Variants in MGAM observed in about 807,000 individuals in gnomAD.
MGAM encodes the protein maltase-glucoamylase.
MGAM carries 253 observed loss-of-function variants against 358.8 expected under a neutral mutation model. The observed-to-expected ratio is 0.71, with a 90% CI of 0.64 to 0.78. The LOEUF (loss-of-function observed/expected upper bound fraction) is 0.78, where lower values mean the gene tolerates loss of function less well. Ranked by LOEUF, MGAM falls within the 30% of genes least tolerant of loss-of-function variation. The pLI is 0.00. For synonymous variants in MGAM, 1,105 were observed against 1,227.1 expected, an observed-to-expected ratio of 0.90 and a Z score of 2.08; for missense variants, 3,080 against 3,432.6, an observed-to-expected ratio of 0.90 and a Z score of 2.57.
chr7:142,056,226 CT>C, intron 29 of MGAM, 130 bp downstream of exon 29: 1 of 818,406 alleles, frequency 1.2e-6, no homozygotes, highest in South Asian at 1.7e-5. Flanking sequence ...TTTATTTTTT[CT>C]TTGTGTTTAG....
rs202196208 is a variant in MGAM at position 142,036,893 on chromosome 7, G to A, written c.2147G>A (p.Arg716His). ...TCCTCCAGGCACTACCTTAACATCCGCTATACTCTATTGCCCTACCTATAC... is the reference window on the plus strand; with the variant it reads ...TCCTCCAGGCACTACCTTAACATCCACTATACTCTATTGCCCTACCTATAC... The part of the protein sequence containing the change: ...LNSSRHYLNI[R>H]YTLLPYLYTL... Residue 716 changes from arginine (R) to histidine (H), a missense_variant, in exon 18 of 71, where the codon CGC becomes CAC. Physicochemically the swap from Arg to His is conservative, Grantham distance 29 (BLOSUM62 0). Coordinates refer to ENST00000475668, the MANE Select transcript of MGAM (RefSeq NM_001365693.1). 99 of 1,613,556 alleles carry A rather than the reference G, an allele frequency of 6.1e-5. No homozygotes were observed. Among genetic ancestry groups the A allele is most frequent in the Middle Eastern group, 1.7e-4 (1 of 6,060 alleles).
rs202109505 is a variant in MGAM, at chr7:142,086,284, G to A, written c.6703G>A (p.Val2235Ile). 301 of 1,542,920 alleles carry A rather than the reference G, an allele frequency of 2.0e-4. 19 individuals are homozygous for A. The African/African-American group carries it at 2.7e-3, about 14-fold the overall frequency. The change falls in exon 56 of 71, where the codon GTC becomes ATC. Residue 2235 changes from valine (V) to isoleucine (I), a missense_variant. Val to Ile is a conservative substitution (Grantham distance 29). Around this residue, in one of 5 missense-constraint regions of MGAM, gnomAD observed 932 missense variants for 1,198.2 expected, o/e 0.78. Coordinates refer to ENST00000475668, the MANE Select transcript of MGAM (RefSeq NM_001365693.1). ...CTTCACTCGGGGCGTGGAGGATGAC[G>A]TCTTCATCAAGTACCCAAATGATGG... is the stretch of plus-strand genomic sequence containing the variant. ...PAFTRGVEDDVFIKYPNDGDI... is the reference protein window; with the variant it reads ...PAFTRGVEDDIFIKYPNDGDI...
intron 46 of MGAM, 103 bp downstream of exon 46, chr7:142,076,355 A>G: frequency 7.9e-6 from 9 of 1,143,580 alleles, no homozygotes; most frequent in Non-Finnish European, 1.0e-5. Flanking sequence ...CTTTATATGC[A>G]TTATTGGCTA....
chr7:142,004,900 C>A (rs1428709294), intron 1 of MGAM, among the ~76,000 whole-genome samples: 1 of 151,960 alleles, frequency 6.6e-6, no homozygotes, highest in African/African-American at 2.4e-5. Context: ...GATGCTATAT[C>A]ATCTATGTAC....
At position 142,088,996 on chromosome 7, in the gene MGAM, G is replaced by GTATGTATATATCTATCTATC. The variant is rs771119657; in HGVS notation, c.6810+2282_6810+2283insGTATATATCTATCTATCTAT. 2.0e-3 allele frequency among the ~76,000 whole-genome samples: 238 copies of GTATGTATATATCTATCTATC among 118,046 alleles called. 10 individuals carry two copies. The highest frequency in any genetic ancestry group is 6.5e-3 in the African/African-American group (225 of 34,592). The allele number at this position is 118,046 out of a possible 152,430, so 77.4% of individuals were successfully genotyped here. On this transcript the variant is annotated intron_variant, in intron 57 of 70. Transcript: ENST00000475668. The stretch of plus-strand genomic sequence containing the variant: ...TGTATGTATGTATGTATGTATGTAT[G>GTATGTATATATCTATCTATC]TATCTATCTATCTATCTATCTATCT...
intron 40 of MGAM, among the ~76,000 whole-genome samples, chr7:142,066,177 G>C (rs1276205034): frequency 6.9e-6 from 1 of 145,074 alleles, no homozygotes. Flanking sequence ...TCACAGGATG[G>C]TCTCGAACTC....
At chr7:142,027,848 A>C in intron 10 of MGAM, 113 bp downstream of exon 10, 1 of 1,241,280 alleles carries the variant, frequency 8.1e-7, no homozygotes, top group East Asian at 2.7e-5. Context: ...TTTGGTAATG[A>C]AAGGAGTTTT....
chr7:142,016,108 A>G (rs1805942024), intron 3 of MGAM, among the ~76,000 whole-genome samples: 1 of 151,904 alleles, frequency 6.6e-6, no homozygotes, highest in Non-Finnish European at 1.5e-5. Flanking sequence ...TTTATGTTTC[A>G]TGTTTGCTTT....
chr7:141,990,203 A>C (rs1803883175), intron 2 of MGAM, among the ~76,000 whole-genome samples: 1 of 152,224 alleles, frequency 6.6e-6, no homozygotes, highest in Non-Finnish European at 1.5e-5. Context: ...GAAAGGGGAA[A>C]TGTCAGAACG....
Position 142,067,600 on chromosome 7 carries a change from C to G in MGAM, c.5004+175C>G, listed in dbSNP as rs1463455715. 4.2e-5 allele frequency among the ~76,000 whole-genome samples: 6 copies of G among 141,232 alleles called. 1 individual carries two copies. The highest frequency in any genetic ancestry group is 8.0e-5 in the Non-Finnish European group (5 of 62,160). 92.7% of individuals were successfully genotyped at this position (141,232 alleles called of 152,430 possible). A position where few individuals can be genotyped will look rare whatever the true frequency, so the allele number is the denominator to read the frequency against. ...TCACTTAGGTGTTCTTGGCACTCAG[C>G]TCCTTCATCTTTAAAATGAGCCTAA... is the stretch of plus-strand genomic sequence containing the variant. On this transcript the variant is annotated intron_variant, in intron 42 of 70. Coordinates refer to ENST00000475668, the MANE Select transcript of MGAM (RefSeq NM_001365693.1).
Position 142,027,824 on chromosome 7 carries a change from AATTG to A in MGAM, c.1221+93_1221+96del, listed in dbSNP as rs1807114387. Reference sequence around the variant, plus strand: ...GTTTATATTTTCTCTCCCTGAGTTTAATTGATTTATTTATTTGGTAATGAAAGGA... The same window carrying A: ...GTTTATATTTTCTCTCCCTGAGTTTAATTTATTTATTTGGTAATGAAAGGA... On this transcript the variant is annotated intron_variant, in intron 10 of 70. Transcript: ENST00000475668. 2.2e-6 allele frequency: 3 copies of A among 1,337,684 alleles called. No individual in the cohort carries two copies. The African/African-American group carries it at 4.4e-5, about 20-fold the overall frequency. 82.9% of individuals were successfully genotyped at this position (1,337,684 alleles called of 1,614,324 possible).
Position 142,085,968 on chromosome 7 carries a change from C to T in MGAM, c.6636+7C>T. 6.4e-7 allele frequency: 1 copy of T among 1,562,782 alleles called. No individual in the cohort carries two copies. ...GCGGGTCATCCTCATTCTGGTTAGT[C>T]CTGATGTGAATGTGTGCGGTCTGTT... On this transcript the variant is annotated splice_region_variant and intron_variant, in intron 55 of 70. Transcript: ENST00000475668.
In MGAM at chr7:142,040,772, A is replaced by T. The variant is rs1052941913; in HGVS notation, c.2424A>T (p.Gly808=). Residue 808 remains glycine, a synonymous_variant, in exon 21 of 71, where the codon GGA becomes GGT. Coordinates refer to ENST00000475668, the MANE Select transcript of MGAM (RefSeq NM_001365693.1). ...RKQKVEMELP[G]DKIGLHLRGG... ...AAAAAGTCGAGATGGAACTTCCTGGAGACAAAATTGGACTTCACCTTCGAG... is the reference window on the plus strand; with the variant it reads ...AAAAAGTCGAGATGGAACTTCCTGGTGACAAAATTGGACTTCACCTTCGAG... 1 of 1,613,378 alleles carries T rather than the reference A, an allele frequency of 6.2e-7. No homozygotes were observed. Among genetic ancestry groups the T allele is most frequent in the Non-Finnish European group, 8.5e-7 (1 of 1,179,550 alleles).
Position 142,031,230 on chromosome 7 carries a change from C to T in MGAM, c.1471-450C>T, listed in dbSNP as rs577993381. On this transcript the variant is annotated intron_variant, in intron 12 of 70. Coordinates refer to ENST00000475668, the MANE Select transcript of MGAM (RefSeq NM_001365693.1). ...TGTTTTTTCAGGAAGGTGTTATCTG[C>T]TTGTTCACTTCTAAGGCCTCTGATG... Among the ~76,000 whole-genome samples, 4 of 152,274 alleles carry T rather than the reference C, an allele frequency of 2.6e-5. No individual in the cohort carries two copies. In the South Asian group the frequency reaches 8.3e-4, roughly 32 times the overall value.
chr7:142,088,919 C>T (rs12535134), intron 57 of MGAM, among the ~76,000 whole-genome samples: 69,782 of 141,254 alleles, frequency 0.49, 21,776 homozygotes, highest in Middle Eastern at 0.66. Context: ...ATCCAAATCC[C>T]TCTTCTGTCT....
intron 60 of MGAM, 60 bp downstream of exon 60, chr7:142,093,610 A>G: frequency 7.0e-7 from 1 of 1,429,384 alleles, no homozygotes; most frequent in Non-Finnish European, 9.5e-7. Flanking sequence ...AGTGACTGAC[A>G]TAGCTACCCT....
chr7:142,054,627 C>A, intron 26 of MGAM, 127 bp from the exon 27 acceptor site: 1 of 1,065,598 alleles, frequency 9.4e-7, no homozygotes, highest in Non-Finnish European at 1.3e-6. Flanking sequence ...TTAATTAAAT[C>A]TCAGATATCA....
At chr7:142,044,993 C>T (rs535991673) in intron 21 of MGAM, among the ~76,000 whole-genome samples, 1 of 89,934 alleles carries the variant, frequency 1.1e-5, no homozygotes. Flanking sequence ...ATATTATATA[C>T]ACGTGTAATA....
At chr7:141,995,074 T>C (rs1804129922), upstream of MGAM, among the ~76,000 whole-genome samples, 1 of 152,212 alleles carries the variant, frequency 6.6e-6, no homozygotes, top group Non-Finnish European at 1.5e-5. Flanking sequence ...TTTATGCCTA[T>C]TCTTTAGCAA....
Sources: gnomAD v4.1 joint callset for allele counts (sites outside exome capture counted in the v4.1 genomes callset) on GRCh38, gnomAD v4.1.1 for gene constraint, gnomAD v4.1.1 regional missense constraint, MANE v1.5 for transcripts, NCBI Gene and HGNC (gene_info 2026-07-23, HGNC 2026-07-21) for gene names.